GLG1: variants seen among roughly 807,000 people sequenced by gnomAD.
GLG1 encodes Golgi apparatus protein 1.
In GLG1, 38 loss-of-function variants were observed where a neutral mutation model predicts 160.5. The ratio of observed to expected loss-of-function variants is 0.24; its 90% CI spans 0.18 to 0.31. GLG1 has a LOEUF of 0.31. Among genes scored for constraint, GLG1 ranks in the 10% least tolerant of loss-of-function variants. GLG1 has a pLI of 1.00. For missense variants in GLG1, 1,373 were observed against 1,505.2 expected (o/e 0.91, Z 1.45); for synonymous variants, 644 against 543.4 (o/e 1.19, Z -2.57).
At chr16:74,535,110 C>T (rs916623148) in intron 1 of GLG1, among the ~76,000 whole-genome samples, 2 of 152,062 alleles carry the variant, frequency 1.3e-5, no homozygotes, top group Admixed American at 6.6e-5. Flanking sequence ...AAAGCCATCT[C>T]GAATAACCCA....
intron 4 of GLG1, 85 bp downstream of exon 4, chr16:74,503,446 A>C: frequency 1.1e-6 from 1 of 908,152 alleles, no homozygotes; most frequent in East Asian, 2.4e-5. Context: ...CTCCAGTCCT[A>C]AATTTTTCCC....
intron 8 of GLG1, among the ~76,000 whole-genome samples, chr16:74,489,937 C>T (rs149810876): frequency 9.2e-5 from 14 of 152,128 alleles, no homozygotes; most frequent in South Asian, 8.3e-4. Context: ...TGATTTTACA[C>T]GATTATCAGG....
intron 1 of GLG1, among the ~76,000 whole-genome samples, chr16:74,559,120 CA>C (rs1232538167): frequency 6.6e-6 from 1 of 152,156 alleles, no homozygotes; most frequent in African/African-American, 2.4e-5. Flanking sequence ...GTCTTCCTGC[CA>C]CAGCCTCCTA....
chr16:74,585,301 C>T (rs974737620), intron 1 of GLG1, among the ~76,000 whole-genome samples: 7 of 151,928 alleles, frequency 4.6e-5, no homozygotes, highest in African/African-American at 1.5e-4. Flanking sequence ...CCCAGCTACT[C>T]GGGAGACTGA....
At chr16:74,496,823 T>C (rs1459498668) in intron 4 of GLG1, among the ~76,000 whole-genome samples, 179 bp from the exon 5 acceptor site, 1 of 152,010 alleles carries the variant, frequency 6.6e-6, no homozygotes, top group East Asian at 1.9e-4. Context: ...AACCACATTG[T>C]GGAAGTTAAA....
At position 74,465,681 on chromosome 16, in the gene GLG1, T is replaced by C; in HGVS notation, c.2662A>G (p.Ile888Val). Reference sequence around the variant, plus strand: ...CTTTGGTGTCGGCTTCTCACCTTTATCATCTGCTTGCAGACCCTCATGAGG... The same window carrying C: ...CTTTGGTGTCGGCTTCTCACCTTTACCATCTGCTTGCAGACCCTCATGAGG... ...YTLMRVCKQMIKRFCPEADSK... is the reference protein window; with the variant it reads ...YTLMRVCKQMVKRFCPEADSK... Residue 888 changes from isoleucine to valine, a missense_variant, in exon 19 of 26, where the codon ATA becomes GTA. Coordinates refer to ENST00000422840, the MANE Select transcript of GLG1 (RefSeq NM_001145667.2). 1 of 1,613,946 alleles carries C rather than the reference T, an allele frequency of 6.2e-7. No homozygotes were observed. Among genetic ancestry groups the C allele is most frequent in the Non-Finnish European group, 8.5e-7 (1 of 1,179,950 alleles).
intron 2 of GLG1, among the ~76,000 whole-genome samples, chr16:74,511,821 T>C (rs1444874014): frequency 2.0e-5 from 3 of 152,196 alleles, no homozygotes; most frequent in African/African-American, 7.2e-5. Flanking sequence ...ACCTTTTAAT[T>C]TGAAAACTTA....
chr16:74,461,903 A>T (rs2014812441), intron 22 of GLG1, 191 bp downstream of exon 22: 1 of 522,534 alleles, frequency 1.9e-6, no homozygotes, highest in Admixed American at 3.6e-5. Context: ...AACGCTTTAG[A>T]GTGTCAGGAC....
chr16:74,566,499 C>T (rs890710035), intron 1 of GLG1, among the ~76,000 whole-genome samples: 1 of 152,150 alleles, frequency 6.6e-6, no homozygotes, highest in Non-Finnish European at 1.5e-5. Context: ...CTTTAAAGAG[C>T]TCTCCATTGT....
chr16:74,586,058 G>A (rs1278106321), intron 1 of GLG1, among the ~76,000 whole-genome samples: 2 of 139,110 alleles, frequency 1.4e-5, no homozygotes, highest in South Asian at 2.3e-4. Context: ...GCAAGACTCT[G>A]TATCGGAAAA....
At chr16:74,472,043 T>C (rs1042849112) in intron 14 of GLG1, among the ~76,000 whole-genome samples, 10 of 152,290 alleles carry the variant, frequency 6.6e-5, no homozygotes, top group Non-Finnish European at 1.2e-4. Flanking sequence ...TAACTGGAAC[T>C]ACAGGTGTGT....
At chr16:74,582,743 C>T (rs180943185) in intron 1 of GLG1, among the ~76,000 whole-genome samples, 4 of 151,724 alleles carry the variant, frequency 2.6e-5, no homozygotes, top group Non-Finnish European at 5.9e-5. Context: ...GGTGTGAACC[C>T]GGGAGGTGGA....
chr16:74,543,811 G>A (rs988376992), intron 1 of GLG1, among the ~76,000 whole-genome samples: 5 of 151,864 alleles, frequency 3.3e-5, no homozygotes, highest in African/African-American at 9.7e-5. Context: ...ACAAAAGACC[G>A]GGAGAATCCT....
chr16:74,505,169 G>A (rs2016550888), intron 3 of GLG1, among the ~76,000 whole-genome samples: 1 of 152,102 alleles, frequency 6.6e-6, no homozygotes, highest in Non-Finnish European at 1.5e-5. Flanking sequence ...CTTCCAAAAG[G>A]TGCTGGATGA....
chr16:74,600,143 G>A (rs1958406176), intron 1 of GLG1, among the ~76,000 whole-genome samples: 1 of 152,164 alleles, frequency 6.6e-6, no homozygotes, highest in Non-Finnish European at 1.5e-5. Context: ...GGTGGTATGT[G>A]TTGGTACTTA....
In GLG1 at chr16:74,548,556, A is replaced by G. The variant is rs534926001; in HGVS notation, c.439-16403T>C. On this transcript the variant is annotated intron_variant, in intron 1 of 25. Coordinates refer to ENST00000422840, the MANE Select transcript of GLG1 (RefSeq NM_001145667.2). ...GAAATCTGACATCTAGGCTTCCAAAAACAGCTTACTGGGGTCAAACTGACA... is the reference window on the plus strand; with the variant it reads ...GAAATCTGACATCTAGGCTTCCAAAGACAGCTTACTGGGGTCAAACTGACA... Among the ~76,000 whole-genome samples the G allele has an allele frequency of 2.0e-3, 309 of 152,240 alleles. 1 individual carries two copies. The highest frequency in any genetic ancestry group is 0.019 in the East Asian group (98 of 5,170).
At chr16:74,467,680 G>C in intron 18 of GLG1, 76 bp downstream of exon 18, 1 of 964,234 alleles carries the variant, frequency 1.0e-6, no homozygotes. Flanking sequence ...TACCTTATGG[G>C]CACTAGCTTT....
intron 3 of GLG1, among the ~76,000 whole-genome samples, chr16:74,503,975 C>T (rs2016506929): frequency 6.6e-6 from 1 of 152,150 alleles, no homozygotes; most frequent in Admixed American, 6.5e-5. Flanking sequence ...TCTAGAAAAA[C>T]CTGATTAATG....
chr16:74,562,840 G>A (rs1438669727), intron 1 of GLG1, among the ~76,000 whole-genome samples: 1 of 152,142 alleles, frequency 6.6e-6, no homozygotes, highest in Non-Finnish European at 1.5e-5. Flanking sequence ...AGAACCTGGA[G>A]GTTGGTTCTT....
Sources: allele counts gnomAD v4.1 joint callset (sites outside exome capture counted in the v4.1 genomes callset), GRCh38; gene constraint gnomAD v4.1.1; transcripts MANE v1.5; gene names NCBI Gene and HGNC (gene_info 2026-07-23, HGNC 2026-07-21).